The following CPZ variants were observed in gnomAD, a reference collection of about 807,000 sequenced individuals.
CPZ encodes the protein VEZT/CPZ fusion.
Under a neutral mutation model 61.8 loss-of-function variants are expected in CPZ, and 103 were observed. That is an observed-to-expected ratio of 1.67 (90% CI 1.42 to 1.96). The LOEUF (loss-of-function observed/expected upper bound fraction) is 1.96, where lower values mean the gene tolerates loss of function less well. CPZ is among the 30% of genes most tolerant of loss of function. The pLI is 0.00. For synonymous variants in CPZ, 551 were observed against 373.7 expected (o/e 1.47, Z -5.47); for missense variants, 1,461 against 914.9 (o/e 1.60, Z -7.70).
chr4:8,608,997 T>G (rs1371382495), intron 7 of CPZ, among the ~76,000 whole-genome samples: 4 of 151,226 alleles, frequency 2.6e-5, no homozygotes, highest in African/African-American at 9.9e-5. Context: ...CATTCACTCT[T>G]TCACTTGTTC....
chr4:8,600,956 G>A, intron 2 of CPZ, 167 bp from the exon 3 acceptor site: 1 of 1,371,436 alleles, frequency 7.3e-7, no homozygotes, highest in Non-Finnish European at 9.4e-7. Flanking sequence ...GTCTCTCACA[G>A]GCTCTGATTC....
rs1432288426 is a variant in CPZ, at chr4:8,604,179, C to G, written c.700C>G (p.His234Asp). Residue 234 changes from histidine to aspartate, a missense_variant, in exon 4 of 11, where the codon CAC becomes GAC. Coordinates refer to ENST00000360986, the MANE Select transcript of CPZ (RefSeq NM_001014447.3). ...CGAGTTCTCCAGCCGCCCCGGCCAGCACGAGCTGAGTGAGTGCCCTTGGGA... is the reference window on the plus strand; with the variant it reads ...CGAGTTCTCCAGCCGCCCCGGCCAGGACGAGCTGAGTGAGTGCCCTTGGGA... Reference protein sequence around the residue: ...VIEFSSRPGQHELMEPEVKLI... With the variant: ...VIEFSSRPGQDELMEPEVKLI... 6.4e-7 allele frequency: 1 copy of G among 1,554,836 alleles called. No individual in the cohort carries two copies. Among genetic ancestry groups the G allele is most frequent in the Non-Finnish European group, 8.7e-7 (1 of 1,147,766 alleles).
intron 7 of CPZ, among the ~76,000 whole-genome samples, chr4:8,609,343 ATT>A (rs1277530602): frequency 1.6e-4 from 24 of 152,116 alleles, no homozygotes; most frequent in Middle Eastern, 3.4e-3. Flanking sequence ...TCACTCACTC[ATT>A]CTCTCATTCA....
Position 8,618,517 on chromosome 4 carries a change from A to G in CPZ, c.1592A>G (p.Asp531Gly). The G allele has an allele frequency of 6.2e-7, 1 of 1,613,812 alleles. No homozygotes were observed. The highest frequency in any genetic ancestry group is 8.5e-7 in the Non-Finnish European group (1 of 1,180,034). ...ATCTCAGTCAAAGGCATTCGCCACG[A>G]CATCACCACAGGTGAGCACGTCCCT... is the stretch of plus-strand genomic sequence containing the variant. ...ARISVKGIRHDITTAPDGDYW... is the reference protein window; with the variant it reads ...ARISVKGIRHGITTAPDGDYW... Residue 531 changes from aspartate to glycine, a missense_variant, in exon 10 of 11, where the codon GAC (aspartate) becomes GGC (glycine). By Grantham distance (94) the Asp-to-Gly change is moderately conservative. Transcript: ENST00000360986.
At position 8,592,778 on chromosome 4, in the gene CPZ, C is replaced by A. The variant is rs981737485; in HGVS notation, c.-56C>A. On this transcript the variant is annotated 5_prime_UTR_variant, in exon 1 of 11. Coordinates refer to ENST00000360986, the MANE Select transcript of CPZ (RefSeq NM_001014447.3). ...CCCAGCGAGCGCAGAGCCCCGGCCC[C>A]GCGCGGCCCGAGTGCCACATCACTG... 7.9e-7 allele frequency: 1 copy of A among 1,261,308 alleles called. No individual in the cohort carries two copies. Among genetic ancestry groups the A allele is most frequent in the Non-Finnish European group, 1.0e-6 (1 of 973,652 alleles). 78.1% of individuals were successfully genotyped at this position (1,261,308 alleles called of 1,614,324 possible). A position where few individuals can be genotyped will look rare whatever the true frequency, so the allele number is the denominator to read the frequency against.
At chr4:8,616,147 G>A (rs925465692) in intron 9 of CPZ, among the ~76,000 whole-genome samples, 1 of 152,212 alleles carries the variant, frequency 6.6e-6, no homozygotes, top group Non-Finnish European at 1.5e-5. Context: ...TCGCTGGCTG[G>A]CTCTTGAGAC....
chr4:8,601,073 C>T (rs769184101), intron 2 of CPZ, 50 bp from the exon 3 acceptor site: 25 of 1,516,382 alleles, frequency 1.6e-5, no homozygotes, highest in South Asian at 1.3e-4. Context: ...TGATGCGTGA[C>T]GGTCAGGGCC....
intron 9 of CPZ, among the ~76,000 whole-genome samples, chr4:8,615,116 T>G (rs1342176418): frequency 6.6e-6 from 1 of 151,704 alleles, no homozygotes; most frequent in East Asian, 1.9e-4. Context: ...AGGAAGTGGC[T>G]GGCAGAGGCT....
chr4:8,595,186 C>G (rs774699861), intron 1 of CPZ, among the ~76,000 whole-genome samples: 46 of 152,232 alleles, frequency 3.0e-4, no homozygotes, highest in Non-Finnish European at 5.4e-4. Context: ...ATTTGGTATG[C>G]ATTTCACACA....
At chr4:8,598,535 C>T (rs1016203735) in intron 1 of CPZ, among the ~76,000 whole-genome samples, 10 of 152,370 alleles carry the variant, frequency 6.6e-5, no homozygotes, top group Middle Eastern at 3.4e-3. Context: ...CCACTCCACA[C>T]GTCCTGCCTG....
At position 8,601,236 on chromosome 4, in the gene CPZ, T is replaced by A; in HGVS notation, c.235T>A (p.Tyr79Asn). The change falls in exon 3 of 11, where the codon TAC becomes AAC. Residue 79 changes from tyrosine to asparagine, a missense_variant. Transcript: ENST00000360986. ...GGAGGTGGTGGAGGCCAGCTCCGAG[T>A]ACATCCTGCTGAGCGTTCTACACCA... The part of the protein sequence containing the change: ...SWEVVEASSE[Y>N]ILLSVLHQLL... 1 of 1,613,460 alleles carries A rather than the reference T, an allele frequency of 6.2e-7. No homozygotes were observed. The highest frequency in any genetic ancestry group is 8.5e-7 in the Non-Finnish European group (1 of 1,179,922).
intron 4 of CPZ, among the ~76,000 whole-genome samples, chr4:8,605,632 T>TCC (rs879542414): frequency 0.013 from 1,414 of 109,328 alleles, 25 homozygotes; most frequent in African/African-American, 0.057. Context: ...CCATCATTGA[T>TCC]ATATCCATTC....
At chr4:8,608,164 C>T (rs1715211284) in intron 7 of CPZ, among the ~76,000 whole-genome samples, 1 of 152,128 alleles carries the variant, frequency 6.6e-6, no homozygotes, top group Non-Finnish European at 1.5e-5. Context: ...CCCCCAGCTG[C>T]GGATCCTGGA....
rs1714769161 is a variant in CPZ at position 8,604,097 on chromosome 4, CG to C, written c.619del (p.Val207TrpfsTer30). ...LRRTASRCAH[V>X]ARTYSIGRSF... is the part of the protein sequence containing the mutation. ...GGCGGACGGCCTCCCGCTGCGCCCA[CG>C]TGGCCAGGACCTACAGCATCGGGCG... On this transcript the variant is annotated frameshift_variant, in exon 4 of 11. Transcript: ENST00000360986. LOFTEE classifies it high-confidence loss of function. The C allele has an allele frequency of 1.2e-6, 2 of 1,607,684 alleles. No individual in the cohort carries two copies. Among genetic ancestry groups the C allele is most frequent in the South Asian group, 2.2e-5 (2 of 90,308 alleles).
At chr4:8,618,927 G>C (rs9683657) in intron 10 of CPZ, among the ~76,000 whole-genome samples, 3 of 150,892 alleles carry the variant, frequency 2.0e-5, no homozygotes, top group South Asian at 2.1e-4. Flanking sequence ...TTTCACAGCC[G>C]ATGAAAAATG....
Position 8,607,365 on chromosome 4 carries a change from C to A in CPZ, c.1167C>A (p.Pro389=), listed in dbSNP as rs1351407275. ...GGGGCGACCTGGTGGTGTCCTACCC[C>A]TTCGACTTCTCCAAGCACCCCCAGG... is the stretch of plus-strand genomic sequence containing the variant. ...LHGGDLVVSY[P]FDFSKHPQEE... The change falls in exon 7 of 11, where the codon CCC becomes CCA. Residue 389 remains proline (P), a synonymous_variant. Coordinates refer to ENST00000360986, the MANE Select transcript of CPZ (RefSeq NM_001014447.3). The A allele has an allele frequency of 2.5e-6, 4 of 1,613,978 alleles. No homozygotes were observed. The highest frequency in any genetic ancestry group is 3.4e-6 in the Non-Finnish European group (4 of 1,179,978).
At chr4:8,596,774 C>T (rs1018836594) in intron 1 of CPZ, among the ~76,000 whole-genome samples, 2 of 152,180 alleles carry the variant, frequency 1.3e-5, no homozygotes, top group South Asian at 2.1e-4. Flanking sequence ...CAGGAAGGAT[C>T]GCCTGTCCAG....
At chr4:8,598,566 G>A (rs1466833110) in intron 1 of CPZ, among the ~76,000 whole-genome samples, 3 of 152,196 alleles carry the variant, frequency 2.0e-5, no homozygotes, top group Admixed American at 6.5e-5. Flanking sequence ...CCCCTTCTCC[G>A]GGTTCCTGCT....
chr4:8,603,978 G>A lies in CPZ; in HGVS notation c.499G>A (p.Gly167Ser). 2 of 1,611,974 alleles carry A rather than the reference G, an allele frequency of 1.2e-6. No homozygotes were observed. Among genetic ancestry groups the A allele is most frequent in the South Asian group, 1.1e-5 (1 of 91,056 alleles). Residue 167 changes from glycine (G) to serine (S), a missense_variant and splice_region_variant, in exon 4 of 11, where the codon GGC (glycine) becomes AGC (serine). Gly to Ser is a moderately conservative substitution (Grantham distance 56). Coordinates refer to ENST00000360986, the MANE Select transcript of CPZ (RefSeq NM_001014447.3). ...CYDPLEKLRG[G>S]LEADEALPSG... ...GAGCCCCCCCACTGCTCCCCCAGGA[G>A]GCCTGGAGGCTGACGAGGCACTGCC...
Sources: gnomAD v4.1 joint callset for allele counts (sites outside exome capture counted in the v4.1 genomes callset) on GRCh38, gnomAD v4.1.1 for gene constraint, MANE v1.5 for transcripts, NCBI Gene and HGNC (gene_info 2026-07-23, HGNC 2026-07-21) for gene names.